The following STAB2 variants were observed in gnomAD, a reference collection of about 807,000 sequenced individuals.
STAB2 encodes stabilin-2.
Under a neutral mutation model 338.1 loss-of-function variants are expected in STAB2, and 288 were observed. The observed-to-expected ratio is 0.85, with a 90% CI of 0.77 to 0.94. The LOEUF (loss-of-function observed/expected upper bound fraction) is 0.94. Among genes scored for constraint, STAB2 ranks in the 40% least tolerant of loss-of-function variants. The probability of loss-of-function intolerance (pLI) is 0.00; values close to 1 mark genes in which losing one functional copy is unlikely to be tolerated. For synonymous variants in STAB2, 1,202 were observed against 1,193.3 expected (o/e 1.01, Z -0.15); for missense variants, 3,141 against 3,210.1 (o/e 0.98, Z 0.52).
At chr12:103,729,948 ATC>A (rs935837612) in intron 48 of STAB2, among the ~76,000 whole-genome samples, 166 bp from the exon 49 acceptor site, 2 of 152,214 alleles carry the variant, frequency 1.3e-5, no homozygotes, top group East Asian at 1.9e-4. Context: ...TTACATTTTT[ATC>A]TCTGTTTTCA....
At chr12:103,620,616 C>T (rs1048106886) in intron 4 of STAB2, 63 bp downstream of exon 4, 2 of 1,245,782 alleles carry the variant, frequency 1.6e-6, no homozygotes, top group Non-Finnish European at 2.3e-6. Flanking sequence ...ACCTGTTGAT[C>T]CTCCTTAAAC....
intron 25 of STAB2, among the ~76,000 whole-genome samples, 184 bp from the exon 26 acceptor site, chr12:103,683,021 T>C (rs1484419963): frequency 2.0e-5 from 3 of 152,058 alleles, no homozygotes; most frequent in East Asian, 3.8e-4. Flanking sequence ...GAAAATGTAA[T>C]GTAGAATATG....
chr12:103,703,920 T>C (rs1021653783), intron 35 of STAB2, among the ~76,000 whole-genome samples: 5 of 152,138 alleles, frequency 3.3e-5, no homozygotes, highest in East Asian at 3.8e-4. Flanking sequence ...ATTTTACAGA[T>C]GGGAAAAGTG....
chr12:103,620,384 C>T, intron 3 of STAB2, 84 bp from the exon 4 acceptor site: 1 of 1,258,662 alleles, frequency 7.9e-7, no homozygotes, highest in South Asian at 1.4e-5. Flanking sequence ...GCAACTAGCA[C>T]ACTTAGTAGG....
intron 39 of STAB2, among the ~76,000 whole-genome samples, 167 bp downstream of exon 39, chr12:103,708,703 GAAAAT>G (rs1205003855): frequency 6.6e-6 from 1 of 152,182 alleles, no homozygotes; most frequent in Non-Finnish European, 1.5e-5. Flanking sequence ...GCAGAAAGAA[GAAAAT>G]AAAATCACTC....
intron 55 of STAB2, among the ~76,000 whole-genome samples, 172 bp downstream of exon 55, chr12:103,740,928 A>T (rs1337969646): frequency 1.3e-5 from 2 of 151,856 alleles, no homozygotes; most frequent in African/African-American, 4.8e-5. Context: ...ACTTTGGCAT[A>T]TTTTTTTTAT....
Position 103,749,222 on chromosome 12 carries a change from C to T in STAB2, c.6438+66C>T, listed in dbSNP as rs886279786. The T allele has an allele frequency of 2.9e-5, 43 of 1,486,740 alleles. No individual in the cohort carries two copies. In the African/African-American group the frequency reaches 5.6e-4, roughly 19 times the overall value. 92.1% of individuals were successfully genotyped at this position (1,486,740 alleles called of 1,614,324 possible). A position where few individuals can be genotyped will look rare whatever the true frequency, so the allele number is the denominator to read the frequency against. On this transcript the variant is annotated intron_variant, in intron 59 of 68. Coordinates refer to ENST00000388887, the MANE Select transcript of STAB2 (RefSeq NM_017564.10). ...TGGGCTTCGCTCCTCCTTGCCTTTCCACCTCCCATACTCTGCTTATCTCCT... is the reference window on the plus strand; with the variant it reads ...TGGGCTTCGCTCCTCCTTGCCTTTCTACCTCCCATACTCTGCTTATCTCCT...
rs759190013 is a variant in STAB2, at chr12:103,755,500, C to T, written c.6880+33C>T. 7 of 1,610,720 alleles carry T rather than the reference C, an allele frequency of 4.3e-6. No homozygotes were observed. The Admixed American group carries it at 8.3e-5, about 19-fold the overall frequency. ...CCCCAGCTACACTTCAGGTTCTGGG[C>T]CACACAGCTGCTGAGCAATCCTCAG... On this transcript the variant is annotated intron_variant, in intron 62 of 68. Coordinates refer to ENST00000388887, the MANE Select transcript of STAB2 (RefSeq NM_017564.10).
intron 3 of STAB2, among the ~76,000 whole-genome samples, chr12:103,595,901 C>T (rs1330572310): frequency 1.8e-4 from 28 of 152,132 alleles, no homozygotes; most frequent in Admixed American, 1.8e-3. Flanking sequence ...TTTTGATTGG[C>T]AGGTCCTTTC....
At chr12:103,701,741 T>C (rs1878889021) in intron 34 of STAB2, among the ~76,000 whole-genome samples, 1 of 152,182 alleles carries the variant, frequency 6.6e-6, no homozygotes, top group Non-Finnish European at 1.5e-5. Context: ...ACACAGACCT[T>C]GGAACACCTC....
intron 3 of STAB2, among the ~76,000 whole-genome samples, chr12:103,604,464 T>C (rs1334459052): frequency 2.0e-5 from 3 of 152,080 alleles, no homozygotes; most frequent in African/African-American, 7.2e-5. Context: ...TGTGAGATAG[T>C]ATTCACCAAC....
intron 18 of STAB2, among the ~76,000 whole-genome samples, 159 bp from the exon 19 acceptor site, chr12:103,666,132 C>T (rs565175302): frequency 2.0e-4 from 31 of 152,336 alleles, no homozygotes; most frequent in African/African-American, 6.3e-4. Context: ...CCTTCTCCCA[C>T]GGTGGAGTCG....
At position 103,692,809 on chromosome 12, in the gene STAB2, C is replaced by T. The variant is rs200871032; in HGVS notation, c.3298-3C>T. ...ATCTTCCCACTGTGGTTTGCATTTA[C>T]AGAATATCACAATTGAAGGGGCCTC... On this transcript the variant is annotated splice_polypyrimidine_tract_variant and splice_region_variant and intron_variant, in intron 30 of 68. Transcript: ENST00000388887. The T allele has an allele frequency of 1.2e-6, 2 of 1,612,812 alleles. No homozygotes were observed. The highest frequency in any genetic ancestry group is 1.7e-6 in the Non-Finnish European group (2 of 1,179,104).
intron 34 of STAB2, 41 bp from the exon 35 acceptor site, chr12:103,703,107 T>C: frequency 6.3e-7 from 1 of 1,598,246 alleles, no homozygotes; most frequent in Non-Finnish European, 8.5e-7. Context: ...CATATCTCTT[T>C]AAATGTCATA....
chr12:103,654,246 A>G (rs1176083009), intron 12 of STAB2, among the ~76,000 whole-genome samples: 1 of 152,252 alleles, frequency 6.6e-6, no homozygotes, highest in Non-Finnish European at 1.5e-5. Flanking sequence ...ATGAATTTAT[A>G]GTAAATTAAA....
intron 49 of STAB2, among the ~76,000 whole-genome samples, chr12:103,730,833 G>A (rs1348328587): frequency 6.6e-6 from 1 of 152,128 alleles, no homozygotes; most frequent in Non-Finnish European, 1.5e-5. Context: ...CAGATTGCTT[G>A]AGTCCAGGAG....
At chr12:103,622,236 A>C in intron 5 of STAB2, 125 bp downstream of exon 5, 1 of 995,686 alleles carries the variant, frequency 1.0e-6, no homozygotes, top group Middle Eastern at 2.2e-4. Flanking sequence ...GCAGAATTAA[A>C]TTTAAAGGAG....
chr12:103,610,194 G>A (rs1444747912), intron 3 of STAB2, among the ~76,000 whole-genome samples: 1 of 151,782 alleles, frequency 6.6e-6, no homozygotes, highest in Admixed American at 6.6e-5. Flanking sequence ...GGATGATGCT[G>A]GCCTCATAAA....
Position 103,737,620 on chromosome 12 carries a change from T to TTC in STAB2, c.5551-13_5551-12insCT. On this transcript the variant is annotated splice_polypyrimidine_tract_variant and intron_variant, in intron 52 of 68. Coordinates refer to ENST00000388887, the MANE Select transcript of STAB2 (RefSeq NM_017564.10). ...TCTCTCTTTCTCTTTTTTTTTTTTT[T>TTC]TTTTCTTTCTTAGGGTGACCTCTTT... 1 of 1,536,396 alleles carries TTC rather than the reference T, an allele frequency of 6.5e-7. No homozygotes were observed. Among genetic ancestry groups the TTC allele is most frequent in the Non-Finnish European group, 8.7e-7 (1 of 1,150,880 alleles).
Sources: gnomAD v4.1 joint callset for allele counts (sites outside exome capture counted in the v4.1 genomes callset) on GRCh38, gnomAD v4.1.1 for gene constraint, MANE v1.5 for transcripts, NCBI Gene and HGNC (gene_info 2026-07-23, HGNC 2026-07-21) for gene names.